Variants in ESR1 observed in about 807,000 individuals in gnomAD.
The protein encoded by ESR1 is estrogen receptor.
Under a neutral mutation model 52.7 loss-of-function variants are expected in ESR1, and 12 were observed. The observed-to-expected ratio is 0.23, with a 90% CI of 0.15 to 0.37. The LOEUF is 0.37. Ranked by LOEUF, ESR1 falls within the 10% of genes least tolerant of loss-of-function variation. The probability of loss-of-function intolerance (pLI) is 1.00; values close to 1 mark genes in which losing one functional copy is unlikely to be tolerated. For missense variants in ESR1, 584 were observed against 779.7 expected (o/e 0.75, Z 2.99); for synonymous variants, 305 against 316.8 (o/e 0.96, Z 0.39).
At chr6:151,869,130 G>A (rs910499412) in intron 2 of ESR1, among the ~76,000 whole-genome samples, 12 of 152,146 alleles carry the variant, frequency 7.9e-5, no homozygotes, top group African/African-American at 2.4e-4. Context: ...CTCTGATTGC[G>A]AGATCATTTT....
At chr6:151,837,304 C>T (rs1053554251) in intron 1 of ESR1, among the ~76,000 whole-genome samples, 58 of 151,688 alleles carry the variant, frequency 3.8e-4, no homozygotes, top group Non-Finnish European at 1.3e-4. Flanking sequence ...TTCACCATCT[C>T]GGCCAGGCTG....
rs928935499 is a variant in ESR1 at position 151,704,849 on chromosome 6, G to A, written c.-71+2844G>A. On this transcript the variant is annotated intron_variant, in intron 2 of 2. Coordinates refer to the ESR1 transcript ENST00000404742. Reference sequence around the variant, plus strand: ...AAGACTACCCAGCTGGCAATGATATGACAGGACATGAACTTAGGACAATAA... The same window carrying A: ...AAGACTACCCAGCTGGCAATGATATAACAGGACATGAACTTAGGACAATAA... 2.0e-5 allele frequency among the ~76,000 whole-genome samples: 3 copies of A among 151,986 alleles called. No individual in the cohort carries two copies. The South Asian group carries it at 6.2e-4, about 32-fold the overall frequency.
intron 4 of ESR1, among the ~76,000 whole-genome samples, chr6:152,000,033 T>C (rs374828388): frequency 6.6e-6 from 1 of 152,048 alleles, no homozygotes. Flanking sequence ...TAATATTTGG[T>C]ACTTTTTATA....
chr6:151,786,011 T>C (rs1419719279), intron 2 of ESR1, among the ~76,000 whole-genome samples: 1 of 152,126 alleles, frequency 6.6e-6, no homozygotes, highest in Non-Finnish European at 1.5e-5. Flanking sequence ...TGTGTCAAGC[T>C]TGGTAAGCGT....
chr6:152,016,628 G>T (rs995585548), intron 5 of ESR1, among the ~76,000 whole-genome samples: 8 of 152,122 alleles, frequency 5.3e-5, no homozygotes, highest in Non-Finnish European at 1.2e-4. Context: ...TGCCCTACAG[G>T]TTCCTAACCC....
At chr6:151,949,875 G>A (rs890886496) in intron 4 of ESR1, among the ~76,000 whole-genome samples, 1 of 152,128 alleles carries the variant, frequency 6.6e-6, no homozygotes, top group African/African-American at 2.4e-5. Context: ...CATGTCTGGG[G>A]CATTTTGCCC....
chr6:151,819,954 A>G (rs1780295416), intron 1 of ESR1, among the ~76,000 whole-genome samples: 1 of 152,200 alleles, frequency 6.6e-6, no homozygotes, highest in African/African-American at 2.4e-5. Context: ...CTTTGGTGGT[A>G]GGTGCAGAGA....
intron 5 of ESR1, among the ~76,000 whole-genome samples, chr6:152,040,248 C>A (rs4289664): frequency 6.6e-6 from 1 of 152,062 alleles, no homozygotes; most frequent in Non-Finnish European, 1.5e-5. Context: ...TGAGCCCGTG[C>A]GTAACCTCCA....
intron 2 of ESR1, among the ~76,000 whole-genome samples, chr6:151,788,828 T>C (rs1787257803): frequency 6.6e-6 from 1 of 152,308 alleles, no homozygotes; most frequent in South Asian, 2.1e-4. Context: ...TGGAGGCCAT[T>C]ATCCTTAGCA....
intron 6 of ESR1, among the ~76,000 whole-genome samples, chr6:152,114,826 G>A (rs1338958726): frequency 7.0e-6 from 1 of 142,792 alleles, no homozygotes; most frequent in Non-Finnish European, 1.5e-5. Context: ...GGGAGGCGGA[G>A]CTTGCAGTGA....
Position 152,053,723 on chromosome 6 carries a change from T to C in ESR1, c.1236-7268T>C, listed in dbSNP as rs550020274. ...CCAGTTTCAGTGATTTCTATTCAGATATCTCCAAAATTTGTATTTCCGGAT... is the reference window on the plus strand; with the variant it reads ...CCAGTTTCAGTGATTTCTATTCAGACATCTCCAAAATTTGTATTTCCGGAT... On this transcript the variant is annotated intron_variant, in intron 5 of 7. Coordinates refer to ENST00000206249, the MANE Select transcript of ESR1 (RefSeq NM_000125.4). The surrounding 1 kb of genome is among the most constrained non-coding windows in gnomAD (Gnocchi z 4.1). Among the ~76,000 whole-genome samples, 1 of 152,226 alleles carries C rather than the reference T, an allele frequency of 6.6e-6. No homozygotes were observed. Among genetic ancestry groups the C allele is most frequent in the East Asian group, 1.9e-4 (1 of 5,168 alleles).
intron 2 of ESR1, among the ~76,000 whole-genome samples, chr6:151,746,939 C>T (rs144823848): frequency 1.3e-3 from 194 of 152,276 alleles, no homozygotes; most frequent in African/African-American, 4.3e-3. Flanking sequence ...AATTAATATA[C>T]GCAACATGCC....
chr6:152,124,862 G>A lies in ESR1; in HGVS notation c.851-404G>A, dbSNP rs933044754. On this transcript the variant is annotated intron_variant, in intron 6 of 6. Coordinates refer to the ESR1 transcript ENST00000427531. ...CCAGTTCATCTCCTAATTTTGTAGG[G>A]GAGTAGCTAAGGACAGTTCATGTTT... 2.6e-5 allele frequency among the ~76,000 whole-genome samples: 4 copies of A among 152,172 alleles called. No individual in the cohort carries two copies. The East Asian group carries it at 7.7e-4, about 29-fold the overall frequency.
At chr6:152,042,169 T>A (rs1438234943) in intron 5 of ESR1, among the ~76,000 whole-genome samples, 2 of 152,174 alleles carry the variant, frequency 1.3e-5, no homozygotes, top group Admixed American at 1.3e-4. Context: ...GGCTTCCATT[T>A]GGCCTTTCCC....
chr6:151,854,945 T>C (rs2128268971), intron 2 of ESR1, among the ~76,000 whole-genome samples: 1 of 152,300 alleles, frequency 6.6e-6, no homozygotes, highest in South Asian at 2.1e-4. Context: ...ACGCAGTCTT[T>C]CTCTGTTGCC....
intron 2 of ESR1, among the ~76,000 whole-genome samples, chr6:151,846,701 T>C (rs1305951773): frequency 2.0e-5 from 3 of 152,220 alleles, no homozygotes; most frequent in African/African-American, 4.8e-5. Context: ...ACTTAAGAGA[T>C]TGAGTAATGG....
intron 5 of ESR1, 89 bp downstream of exon 5, chr6:152,011,883 C>A: frequency 7.1e-7 from 1 of 1,410,266 alleles, no homozygotes; most frequent in Non-Finnish European, 9.8e-7. Flanking sequence ...CTCGGTGAAG[C>A]TTCAGAGAAC....
chr6:151,836,961 T>C (rs1206743602), intron 1 of ESR1, among the ~76,000 whole-genome samples: 2 of 152,204 alleles, frequency 1.3e-5, no homozygotes, highest in Non-Finnish European at 1.5e-5. Context: ...TATCGTTATT[T>C]ATGGTTGGAA....
intron 1 of ESR1, among the ~76,000 whole-genome samples, chr6:151,668,269 G>A (rs568637463): frequency 6.8e-6 from 1 of 146,486 alleles, no homozygotes; most frequent in African/African-American, 2.5e-5. Context: ...GGCAAAAGAG[G>A]AAAAACCCTT....
Sources: allele counts gnomAD v4.1 joint callset (sites outside exome capture counted in the v4.1 genomes callset), GRCh38; gene constraint gnomAD v4.1.1; non-coding constraint Gnocchi (gnomAD v3.1); transcripts MANE v1.5; gene names NCBI Gene and HGNC (gene_info 2026-07-23, HGNC 2026-07-21).